The following SCYL3 variants were observed in gnomAD, a reference collection of about 807,000 sequenced individuals.
SCYL3 encodes protein-associating with the carboxyl-terminal domain of ezrin.
In SCYL3, 35 loss-of-function variants were observed where a neutral mutation model predicts 73.8. The ratio of observed to expected loss-of-function variants is 0.47; its 90% CI spans 0.36 to 0.63. The LOEUF (loss-of-function observed/expected upper bound fraction) is 0.63, where lower values mean the gene tolerates loss of function less well. Ranked by LOEUF, SCYL3 falls within the 20% of genes least tolerant of loss-of-function variation. SCYL3 has a pLI of 0.00. For missense variants in SCYL3, 712 were observed against 798.9 expected, an observed-to-expected ratio of 0.89 and a Z score of 1.31; for synonymous variants, 277 against 295.2, an observed-to-expected ratio of 0.94 and a Z score of 0.63.
chr1:169,851,883 T>G lies in SCYL3; in HGVS notation c.*1830A>C. ...TGTGAAACAGGAAAAAGGTATTTTC[T>G]GGGAACCCTTTGCTAATGTGACTGT... On this transcript the variant is annotated 3_prime_UTR_variant, in exon 13 of 13. Transcript: ENST00000367771. The G allele has an allele frequency of 6.2e-7, 1 of 1,614,094 alleles. No individual in the cohort carries two copies. The highest frequency in any genetic ancestry group is 8.5e-7 in the Non-Finnish European group (1 of 1,179,970).
chr1:169,852,907 C>T lies in SCYL3; in HGVS notation c.*806G>A. Reference sequence around the variant, plus strand: ...GTCACTACTCCAAAAGGGTCCTGCTCCAGCCTGGCTTTCAATGGAAATGGA... The same window carrying T: ...GTCACTACTCCAAAAGGGTCCTGCTTCAGCCTGGCTTTCAATGGAAATGGA... On this transcript the variant is annotated 3_prime_UTR_variant, in exon 13 of 13. Transcript: ENST00000367771. The T allele has an allele frequency of 6.2e-7, 1 of 1,614,074 alleles. No individual in the cohort carries two copies. The highest frequency in any genetic ancestry group is 8.5e-7 in the Non-Finnish European group (1 of 1,179,994).
intron 2 of SCYL3, among the ~76,000 whole-genome samples, chr1:169,881,601 AC>A (rs1440997019): frequency 2.0e-5 from 3 of 151,942 alleles, no homozygotes; most frequent in Non-Finnish European, 4.4e-5. Flanking sequence ...ACAATCCCCT[AC>A]CCTTCCTGGC....
rs546639936 is a variant in SCYL3, at chr1:169,875,484, G to A, written c.465+494C>T. Reference sequence around the variant, plus strand: ...TTAAGATGCACAGGTCCTAAATCCCGCTACTAAGATACCATGTATGAAATT... The same window carrying A: ...TTAAGATGCACAGGTCCTAAATCCCACTACTAAGATACCATGTATGAAATT... On this transcript the variant is annotated intron_variant, in intron 4 of 12. Transcript: ENST00000367771. 2.6e-5 allele frequency among the ~76,000 whole-genome samples: 4 copies of A among 152,250 alleles called. No individual in the cohort carries two copies. The South Asian group carries it at 6.2e-4, about 24-fold the overall frequency.
intron 10 of SCYL3, among the ~76,000 whole-genome samples, chr1:169,861,451 C>G (rs1190430653): frequency 2.0e-5 from 3 of 152,194 alleles, no homozygotes; most frequent in Non-Finnish European, 4.4e-5. Flanking sequence ...AAAGGCGCAG[C>G]CTCTCAGCCA....
rs943221203 is a variant in SCYL3, at chr1:169,853,757, A to C, written c.2023T>G (p.Trp675Gly). 4.3e-6 allele frequency: 7 copies of C among 1,613,964 alleles called. No individual in the cohort carries two copies. Among genetic ancestry groups the C allele is most frequent in the Non-Finnish European group, 5.9e-6 (7 of 1,179,924 alleles). ...CAGTTCAGCTCCCCTTCTTCTTCCC[A>C]GCCTTCAGCCTCTCCCTGCAACAAA... ...AEITEGEAEG[W>G]EEEGELNWED... Residue 675 changes from tryptophan to glycine, a missense_variant, in exon 13 of 13, where the codon TGG (tryptophan) becomes GGG (glycine). Transcript: ENST00000367771.
intron 1 of SCYL3, among the ~76,000 whole-genome samples, chr1:169,892,853 A>G (rs1234575264): frequency 6.6e-6 from 1 of 152,214 alleles, no homozygotes; most frequent in Non-Finnish European, 1.5e-5. Flanking sequence ...TTCTTTTCCC[A>G]GCAATTACTC....
intron 11 of SCYL3, among the ~76,000 whole-genome samples, chr1:169,857,958 T>C (rs1180694563): frequency 1.3e-5 from 2 of 152,146 alleles, no homozygotes; most frequent in Non-Finnish European, 2.9e-5. Flanking sequence ...ATGGTATACC[T>C]GTATAGGGTA....
At chr1:169,864,698 A>C (rs1326608071) in intron 8 of SCYL3, among the ~76,000 whole-genome samples, 190 bp from the exon 9 acceptor site, 1 of 152,138 alleles carries the variant, frequency 6.6e-6, no homozygotes, top group East Asian at 1.9e-4. Context: ...AGTGGCTCAC[A>C]CCTGTAATCC....
chr1:169,877,285 AG>A (rs146878372), intron 3 of SCYL3, among the ~76,000 whole-genome samples: 5,762 of 151,926 alleles, frequency 0.038, 374 homozygotes, highest in African/African-American at 0.13. Flanking sequence ...TCTCCGGTGT[AG>A]GGGGACTACA....
intron 7 of SCYL3, among the ~76,000 whole-genome samples, chr1:169,868,573 A>G (rs1571411964): frequency 6.6e-6 from 1 of 152,230 alleles, no homozygotes; most frequent in African/African-American, 2.4e-5. Flanking sequence ...ATGGCAGCAG[A>G]AAAGAAAGGC....
chr1:169,861,334 C>T (rs1469698304), intron 10 of SCYL3, among the ~76,000 whole-genome samples: 2 of 152,024 alleles, frequency 1.3e-5, no homozygotes, highest in African/African-American at 2.4e-5. Context: ...TTTTCTTTAG[C>T]CCTGGCCAGC....
Position 169,882,493 on chromosome 1 carries a change from C to T in SCYL3, c.166-3674G>A, listed in dbSNP as rs575552950. On this transcript the variant is annotated intron_variant, in intron 2 of 12. Transcript: ENST00000367771. The stretch of plus-strand genomic sequence containing the variant: ...CGACCACCCAAAGGGCTGAGGAGTG[C>T]GGGCACATGGCGTGGGACTGGCAGG... 1.2e-4 allele frequency among the ~76,000 whole-genome samples: 19 copies of T among 152,332 alleles called. No individual in the cohort carries two copies. The South Asian group carries it at 3.3e-3, about 27-fold the overall frequency.
In SCYL3 at chr1:169,854,440, G is replaced by T. The variant is rs376716355; in HGVS notation, c.1837C>A (p.Pro613Thr). 1.2e-6 allele frequency: 2 copies of T among 1,614,032 alleles called. No individual in the cohort carries two copies. Among genetic ancestry groups the T allele is most frequent in the Admixed American group, 3.3e-5 (2 of 60,006 alleles). The change falls in exon 12 of 13, where the codon CCA becomes ACA. Residue 613 changes from proline (P) to threonine (T), a missense_variant. By Grantham distance (38) the Pro-to-Thr change is conservative (BLOSUM62 -1). This residue lies in a region of SCYL3 where 370 missense variants were observed against 350.8 expected (regional missense o/e 1.05). Transcript: ENST00000367771. ...CAATCCATCTCAGGATCTTTTACTGGCTTCTTTTTTACTTGAATGGTGAAT... is the reference window on the plus strand; with the variant it reads ...CAATCCATCTCAGGATCTTTTACTGTCTTCTTTTTTACTTGAATGGTGAAT... ...EEFTIQVKKK[P>T]VKDPEMDWFA...
At chr1:169,868,900 C>G (rs1660213830) in intron 7 of SCYL3, 28 bp downstream of exon 7, 1 of 1,542,550 alleles carries the variant, frequency 6.5e-7, no homozygotes, top group Admixed American at 1.7e-5. Context: ...CCGGAAGCAG[C>G]TGGCGTCACC....
chr1:169,879,701 C>T (rs1173380323), intron 2 of SCYL3, among the ~76,000 whole-genome samples: 1 of 152,146 alleles, frequency 6.6e-6, no homozygotes, highest in Non-Finnish European at 1.5e-5. Context: ...GTAACACATT[C>T]TCAATGGAAA....
At chr1:169,878,857 C>T in intron 2 of SCYL3, 38 bp from the exon 3 acceptor site, 1 of 1,546,668 alleles carries the variant, frequency 6.5e-7, no homozygotes, top group Non-Finnish European at 8.8e-7. Flanking sequence ...AGTTAATGAC[C>T]CCAAACCAGA....
chr1:169,876,359 AATAAAC>A (rs748820074), intron 3 of SCYL3, among the ~76,000 whole-genome samples: 6 of 152,224 alleles, frequency 3.9e-5, no homozygotes, highest in Non-Finnish European at 8.8e-5. Context: ...GTGGCAGGTT[AATAAAC>A]ACATTAAAGC....
chr1:169,863,639 A>C (rs927501590), intron 9 of SCYL3, among the ~76,000 whole-genome samples: 2 of 152,156 alleles, frequency 1.3e-5, no homozygotes, highest in Non-Finnish European at 2.9e-5. Flanking sequence ...AAAGAGGCAA[A>C]TTTTCAAAAA....
At chr1:169,855,717 A>G in intron 11 of SCYL3, 2 of 1,370,176 alleles carry the variant, frequency 1.5e-6, no homozygotes, top group Non-Finnish European at 9.9e-7. Context: ...CAAAACTCCC[A>G]AAACACCCAT....
Sources: gnomAD v4.1 joint callset for allele counts (sites outside exome capture counted in the v4.1 genomes callset) on GRCh38, gnomAD v4.1.1 for gene constraint, gnomAD v4.1.1 regional missense constraint, MANE v1.5 for transcripts, NCBI Gene and HGNC (gene_info 2026-07-23, HGNC 2026-07-21) for gene names.